M1AP: variants seen among roughly 807,000 people sequenced by gnomAD.
M1AP encodes meiosis 1 arrest protein.
In M1AP, 39 loss-of-function variants were observed where a neutral mutation model predicts 51.2. The ratio of observed to expected loss-of-function variants is 0.76; its 90% confidence interval spans 0.59 to 1.00. M1AP has a LOEUF of 1.00. M1AP is among the 50% of genes least tolerant of loss of function. The pLI is 0.00. For missense variants in M1AP, 545 were observed against 641.2 expected (o/e 0.85, Z 1.62); for synonymous variants, 251 against 249.2 (o/e 1.01, Z -0.07).
At position 74,614,764 on chromosome 2, in the gene M1AP, T is replaced by C. The variant is rs575389069; in HGVS notation, c.426+200A>G. On this transcript the variant is annotated intron_variant, in intron 3 of 10. Transcript: ENST00000421985. ...TCTGTATTTTTAGAGCTCTTCTCTA[T>C]AACTATCTCTACATTAAGAACTGTA... is the stretch of plus-strand genomic sequence containing the variant. 2.0e-5 allele frequency among the ~76,000 whole-genome samples: 3 copies of C among 152,360 alleles called. No homozygotes were observed. In the East Asian group the frequency reaches 5.8e-4, roughly 29 times the overall value.
chr2:74,600,052 T>C (rs1480853043), intron 4 of M1AP, among the ~76,000 whole-genome samples: 3 of 152,106 alleles, frequency 2.0e-5, no homozygotes, highest in African/African-American at 7.2e-5. Flanking sequence ...GTATGAGCCA[T>C]CACACCTGGC....
chr2:74,639,828 AT>A lies in M1AP; in HGVS notation c.240+207del, dbSNP rs1268334818. Reference sequence around the variant, plus strand: ...GCTTGTAGCCTATTTATACTCCCAGATTAATAATTTTGGATTTTCTCTTCAA... The same window carrying A: ...GCTTGTAGCCTATTTATACTCCCAGATAATAATTTTGGATTTTCTCTTCAA... On this transcript the variant is annotated intron_variant, in intron 2 of 10. Transcript: ENST00000421985. 2.0e-5 allele frequency among the ~76,000 whole-genome samples: 3 copies of A among 152,182 alleles called. No individual in the cohort carries two copies. The East Asian group carries it at 5.8e-4, about 29-fold the overall frequency.
intron 3 of M1AP, among the ~76,000 whole-genome samples, chr2:74,610,457 C>T (rs1163339732): frequency 6.6e-6 from 1 of 151,688 alleles, no homozygotes; most frequent in Non-Finnish European, 1.5e-5. Flanking sequence ...AATTGTTTCC[C>T]TCATTTTAAG....
At chr2:74,643,145 A>G (rs922978301) in intron 1 of M1AP, among the ~76,000 whole-genome samples, 4 of 152,146 alleles carry the variant, frequency 2.6e-5, no homozygotes, top group Admixed American at 6.5e-5. Context: ...AATCATATAT[A>G]ACAGGATACA....
chr2:74,566,106 T>C (rs370037066), intron 7 of M1AP, among the ~76,000 whole-genome samples: 22 of 152,192 alleles, frequency 1.4e-4, no homozygotes, highest in South Asian at 6.2e-4. Context: ...AAGGTCATTT[T>C]CCACATTTTC....
chr2:74,575,453 C>T lies in M1AP; in HGVS notation c.1059G>A (p.Leu353=). 6.2e-7 allele frequency: 1 copy of T among 1,614,096 alleles called. No homozygotes were observed. The highest frequency in any genetic ancestry group is 8.5e-7 in the Non-Finnish European group (1 of 1,180,012). The change falls in exon 7 of 11, where the codon TTG becomes TTA. Residue 353 remains leucine (L), a synonymous_variant. Transcript: ENST00000421985. ...LETNQQHFHA[L]CHSLLKREWL... The stretch of plus-strand genomic sequence containing the variant: ...GGGTACTCACCAGCAGGCTGTGACA[C>T]AAAGCATGGAAATGTTGCTGATTTG...
At chr2:74,605,369 CA>C (rs1680910452) in intron 4 of M1AP, among the ~76,000 whole-genome samples, 1 of 152,132 alleles carries the variant, frequency 6.6e-6, no homozygotes, top group African/African-American at 2.4e-5. Context: ...CTGCCATCAA[CA>C]ATACTAAAAT....
At chr2:74,598,592 T>C (rs919170452) in intron 4 of M1AP, among the ~76,000 whole-genome samples, 1 of 151,410 alleles carries the variant, frequency 6.6e-6, no homozygotes, top group Non-Finnish European at 1.5e-5. Flanking sequence ...CCACCAAACA[T>C]TCCTTGTAAT....
At chr2:74,614,620 T>C (rs568147480) in intron 3 of M1AP, among the ~76,000 whole-genome samples, 1 of 152,340 alleles carries the variant, frequency 6.6e-6, no homozygotes, top group East Asian at 1.9e-4. Flanking sequence ...AAGGTAAATA[T>C]AAATACAGCT....
At chr2:74,573,756 T>C (rs1678892444) in intron 7 of M1AP, among the ~76,000 whole-genome samples, 1 of 152,186 alleles carries the variant, frequency 6.6e-6, no homozygotes, top group African/African-American at 2.4e-5. Flanking sequence ...TATATCTTCA[T>C]CCCTTTCCTG....
intron 7 of M1AP, among the ~76,000 whole-genome samples, chr2:74,566,207 G>C (rs1033375571): frequency 1.2e-4 from 19 of 152,120 alleles, no homozygotes; most frequent in African/African-American, 4.6e-4. Context: ...CCTGGCCCTT[G>C]GGAACCAATG....
Position 74,562,241 on chromosome 2 carries a change from A to C in M1AP, c.1257T>G (p.His419Gln), listed in dbSNP as rs1056531366. The C allele has an allele frequency of 1.2e-6, 2 of 1,613,490 alleles. No homozygotes were observed. Among genetic ancestry groups the C allele is most frequent in the Non-Finnish European group, 1.7e-6 (2 of 1,179,630 alleles). Residue 419 changes from histidine to glutamine, a missense_variant, in exon 8 of 11, where the codon CAT becomes CAG. Transcript: ENST00000421985. ...STFPLLPEDP[H>Q]DDSLKNVESM... is the part of the protein sequence containing the mutation. ...CCTCCACATTCTTAAGGCTATCATC[A>C]TGTGGGTCCTCAGGTAGCAGGGGGA...
chr2:74,600,080 T>C (rs1045583965), intron 4 of M1AP, among the ~76,000 whole-genome samples: 1 of 152,130 alleles, frequency 6.6e-6, no homozygotes, highest in Non-Finnish European at 1.5e-5. Context: ...TGTTGATCTC[T>C]ATTGTTCTTT....
chr2:74,585,647 C>G (rs1462851487), intron 4 of M1AP, among the ~76,000 whole-genome samples: 2 of 152,232 alleles, frequency 1.3e-5, no homozygotes, highest in Admixed American at 6.5e-5. Flanking sequence ...ATAATCTCCA[C>G]AGAGGTGCTG....
chr2:74,575,881 G>A (rs1289620697), intron 6 of M1AP, among the ~76,000 whole-genome samples: 1 of 152,126 alleles, frequency 6.6e-6, no homozygotes, highest in Non-Finnish European at 1.5e-5. Context: ...TCAAGATAAG[G>A]GCTTGCTCTG....
At chr2:74,644,947 C>T (rs529381554) in intron 1 of M1AP, among the ~76,000 whole-genome samples, 61 of 152,068 alleles carry the variant, frequency 4.0e-4, no homozygotes, top group Non-Finnish European at 7.6e-4. Flanking sequence ...CATCTGAAAA[C>T]GCCATTTTAA....
At chr2:74,593,361 T>C (rs1558666284) in intron 4 of M1AP, among the ~76,000 whole-genome samples, 1 of 152,208 alleles carries the variant, frequency 6.6e-6, no homozygotes, top group Non-Finnish European at 1.5e-5. Flanking sequence ...AGCTATAAAC[T>C]CTGAACAATA....
chr2:74,622,750 G>T (rs1682134239), intron 2 of M1AP, among the ~76,000 whole-genome samples: 1 of 151,770 alleles, frequency 6.6e-6, no homozygotes, highest in Admixed American at 6.6e-5. Flanking sequence ...TGAGTAAAAT[G>T]AAATAAATAT....
intron 2 of M1AP, among the ~76,000 whole-genome samples, chr2:74,632,326 A>G (rs993895975): frequency 6.6e-6 from 1 of 152,202 alleles, no homozygotes; most frequent in African/African-American, 2.4e-5. Context: ...CTAGCTGGTC[A>G]TGTTCTTGGA....
Sources: allele counts gnomAD v4.1 joint callset (sites outside exome capture counted in the v4.1 genomes callset), GRCh38; gene constraint gnomAD v4.1.1; transcripts MANE v1.5; gene names NCBI Gene and HGNC (gene_info 2026-07-23, HGNC 2026-07-21).